The following DOK4 variants were observed in gnomAD, a reference collection of about 807,000 sequenced individuals.
DOK4 encodes the protein downstream of tyrosine kinase 4.
In DOK4, 26 loss-of-function variants were observed where a neutral mutation model predicts 40.1. The ratio of observed to expected loss-of-function variants is 0.65; its 90% CI spans 0.48 to 0.90. The LOEUF (loss-of-function observed/expected upper bound fraction) is 0.90. DOK4 is among the 40% of genes least tolerant of loss of function. The probability of loss-of-function intolerance (pLI) is 0.00; values close to 1 mark genes in which losing one functional copy is unlikely to be tolerated. For synonymous variants in DOK4, 179 were observed against 177.0 expected (o/e 1.01, Z -0.09); for missense variants, 392 against 437.2 (o/e 0.90, Z 0.92).
At chr16:57,481,946 CCT>C (rs775436517) in intron 1 of DOK4, 1 of 151,794 alleles carries the variant, frequency 6.6e-6, no homozygotes, top group Non-Finnish European at 1.5e-5. Context: ...CTCACTGCAA[CCT>C]CTGCCTCCTG....
At chr16:57,472,744 C>T (rs192038265) in exon 9 of DOK4, 3 of 152,518 alleles carry the variant, frequency 2.0e-5, no homozygotes, top group Admixed American at 1.3e-4. Context: ...CAGATTTTCA[C>T]CTGAGGCGTC....
At chr16:57,478,940 T>G (rs2031302789) in intron 2 of DOK4, among the ~76,000 whole-genome samples, 1 of 151,902 alleles carries the variant, frequency 6.6e-6, no homozygotes, top group Admixed American at 6.6e-5. Context: ...AACCAAAAAT[T>G]TACTAAATAT....
chr16:57,475,788 C>A, intron 3 of DOK4, 62 bp downstream of exon 3: 1 of 1,439,602 alleles, frequency 6.9e-7, no homozygotes, highest in Non-Finnish European at 9.6e-7. Context: ...CTCTCTCCCT[C>A]TCTCTCTCTC....
chr16:57,478,059 T>G (rs2031261557), intron 2 of DOK4, among the ~76,000 whole-genome samples: 1 of 152,204 alleles, frequency 6.6e-6, no homozygotes, highest in African/African-American at 2.4e-5. Context: ...GGGGACCTGC[T>G]AAGTCTGGGG....
chr16:57,475,871 C>T, exon 3 of DOK4: 2 of 1,613,466 alleles, frequency 1.2e-6, no homozygotes, highest in Non-Finnish European at 1.7e-6. Context: ...CCCGGAGGCA[C>T]ACCGACTTCT....
In DOK4 at chr16:57,472,574, C is replaced by T. The variant is rs546930582; in HGVS notation, c.*803G>A. 2.4e-4 allele frequency: 36 copies of T among 152,762 alleles called. 1 individual carries two copies. Among genetic ancestry groups the T allele is most frequent in the African/African-American group, 2.9e-4 (12 of 41,560 alleles). 9.5% of individuals were successfully genotyped at this position (152,762 alleles called of 1,614,324 possible). On this transcript the variant is annotated 3_prime_UTR_variant, in exon 9 of 9. Transcript: ENST00000340099. ...AGGGGGGCAGCAGGGGTGCTCCCCA[C>T]GGCAGTCCTGCTGCGGCCTTCCCTC...
chr16:57,482,157 C>T (rs1232241646), intron 1 of DOK4, among the ~76,000 whole-genome samples: 1 of 151,558 alleles, frequency 6.6e-6, no homozygotes, highest in African/African-American at 2.4e-5. Flanking sequence ...AGCCACTGCG[C>T]CCGGCCTTCT....
At chr16:57,475,810 G>T (rs771703885) in intron 3 of DOK4, 40 bp downstream of exon 3, 3 of 1,470,426 alleles carry the variant, frequency 2.0e-6, no homozygotes, top group South Asian at 2.3e-5. Flanking sequence ...ATCCCCCACA[G>T]CCCTGCCACT....
chr16:57,473,675 C>T (rs761008094), exon 8 of DOK4: 6 of 1,614,200 alleles, frequency 3.7e-6, no homozygotes, highest in South Asian at 2.2e-5. Context: ...GTAGGCACTG[C>T]GCGGCAGCAT....
chr16:57,476,073 G>T, intron 2 of DOK4, 116 bp from the exon 3 acceptor site: 1 of 861,610 alleles, frequency 1.2e-6, no homozygotes, highest in Non-Finnish European at 1.8e-6. Flanking sequence ...CTTCCCTGGA[G>T]CCCCAGCCTG....
At chr16:57,474,226 G>A (rs2031038187) in intron 6 of DOK4, among the ~76,000 whole-genome samples, 187 bp from the exon 7 acceptor site, 1 of 152,208 alleles carries the variant, frequency 6.6e-6, no homozygotes, top group African/African-American at 2.4e-5. Flanking sequence ...GCTGGTGCTT[G>A]AAATGCATTA....
At chr16:57,476,071 G>A (rs2146637145) in intron 2 of DOK4, 114 bp from the exon 3 acceptor site, 1 of 884,728 alleles carries the variant, frequency 1.1e-6, no homozygotes, top group Non-Finnish European at 1.8e-6. Context: ...GCCTTCCCTG[G>A]AGCCCCAGCC....
intron 4 of DOK4, 96 bp downstream of exon 4, chr16:57,475,410 C>G: frequency 7.2e-7 from 1 of 1,388,406 alleles, no homozygotes; most frequent in Non-Finnish European, 9.9e-7. Flanking sequence ...ACCACCATCT[C>G]CACCCAGGGT....
chr16:57,476,002 C>A, intron 2 of DOK4, 45 bp from the exon 3 acceptor site: 1 of 1,519,488 alleles, frequency 6.6e-7, no homozygotes, highest in East Asian at 2.4e-5. Context: ...GGACCACTCC[C>A]ACCCCACCAG....
In DOK4 at chr16:57,475,097, C is replaced by T; in HGVS notation, c.409+3G>A. 6.2e-7 allele frequency: 1 copy of T among 1,613,538 alleles called. No individual in the cohort carries two copies. On this transcript the variant is annotated splice_donor_region_variant and intron_variant, in intron 5 of 8. Transcript: ENST00000340099. ...CACCCCCAGGGCCAGGGCCCGGCCTCACCTGTCTGTTCACACTGCACCCCT... is the reference window on the plus strand; with the variant it reads ...CACCCCCAGGGCCAGGGCCCGGCCTTACCTGTCTGTTCACACTGCACCCCT...
intron 4 of DOK4, 61 bp downstream of exon 4, chr16:57,475,445 C>T (rs1164767187): frequency 1.3e-6 from 2 of 1,493,756 alleles, no homozygotes; most frequent in East Asian, 4.7e-5. Context: ...CCGCTCCTAG[C>T]TGGACCTCTG....
exon 4 of DOK4, chr16:57,475,615 A>G: frequency 6.3e-7 from 1 of 1,593,144 alleles, no homozygotes; most frequent in Non-Finnish European, 8.5e-7. Flanking sequence ...TGCTGATCTC[A>G]GTCACCTGGG....
chr16:57,479,360 C>A lies in DOK4; in HGVS notation c.66+82G>T. ...AGCCGGAGGGCAGCCGCGTGCCCCA[C>A]GCGCCATGCCTCCAAGCCTGGGACC... On this transcript the variant is annotated intron_variant, in intron 2 of 8. Transcript: ENST00000340099. This position sits in a 1 kb window ranked among gnomAD's most constrained non-coding sequence, Gnocchi z 5.8. 3 of 1,503,220 alleles carry A rather than the reference C, an allele frequency of 2.0e-6. No homozygotes were observed. The highest frequency in any genetic ancestry group is 2.7e-6 in the Non-Finnish European group (3 of 1,096,450). 93.1% of individuals were successfully genotyped at this position (1,503,220 alleles called of 1,614,324 possible).
rs1468521666 is a variant in DOK4 at position 57,485,581 on chromosome 16, C to T, written c.-182+724G>A. 4.6e-5 allele frequency among the ~76,000 whole-genome samples: 7 copies of T among 152,354 alleles called. No individual in the cohort carries two copies. The highest frequency in any genetic ancestry group is 3.4e-3 in the Middle Eastern group (1 of 294). ...CTCCAACCCACACCCTCCATCCAAG[C>T]GGAAGCGCCCCAGCAACTGACGTGT... is the stretch of plus-strand genomic sequence containing the variant. On this transcript the variant is annotated intron_variant, in intron 1 of 8. Transcript: ENST00000340099. The surrounding 1 kb of genome is among the most constrained non-coding windows in gnomAD (Gnocchi z 4.3).
Sources: allele counts gnomAD v4.1 joint callset (sites outside exome capture counted in the v4.1 genomes callset), GRCh38; gene constraint gnomAD v4.1.1; non-coding constraint Gnocchi (gnomAD v3.1); transcripts MANE v1.5; gene names NCBI Gene and HGNC (gene_info 2026-07-23, HGNC 2026-07-21).